ARHGEF28: variants seen among roughly 807,000 people sequenced by gnomAD.
ARHGEF28 encodes Rho guanine nucleotide exchange factor 28, also known as 190 kDa guanine nucleotide exchange factor.
ARHGEF28 carries 152 observed loss-of-function variants against 206.6 expected under a neutral mutation model. The observed-to-expected ratio is 0.74, with a 90% CI of 0.64 to 0.84. ARHGEF28 has a LOEUF of 0.84. Ranked by LOEUF, ARHGEF28 falls within the 40% of genes least tolerant of loss-of-function variation. ARHGEF28 has a pLI of 0.00. For synonymous variants in ARHGEF28, 763 were observed against 776.4 expected, an observed-to-expected ratio of 0.98 and a Z score of 0.29; for missense variants, 2,028 against 2,073.2, an observed-to-expected ratio of 0.98 and a Z score of 0.42.
Position 73,873,006 on chromosome 5 carries a change from G to A in ARHGEF28, c.2574G>A (p.Met858Ile), listed in dbSNP as rs370341684. The part of the protein sequence containing the change: ...IKRQDVIFEL[M>I]QTEMHHIQTL... ...TGTGCTCACACATTTCAGAGCTAAT[G>A]CAAACAGAGATGCATCACATCCAGA... The change falls in exon 22 of 36, where the codon ATG (methionine) becomes ATA (isoleucine). Residue 858 changes from methionine to isoleucine, a missense_variant. Transcript: ENST00000513042. 9.3e-6 allele frequency: 15 copies of A among 1,613,564 alleles called. No homozygotes were observed. The African/African-American group carries it at 1.1e-4, about 11-fold the overall frequency.
chr5:73,711,640 G>A (rs1342537612), intron 2 of ARHGEF28, among the ~76,000 whole-genome samples: 1 of 152,018 alleles, frequency 6.6e-6, no homozygotes, highest in Non-Finnish European at 1.5e-5. Flanking sequence ...TAGTATATGG[G>A]AATACGGTTA....
At chr5:73,880,147 C>T (rs1217303777) in intron 22 of ARHGEF28, among the ~76,000 whole-genome samples, 3 of 152,194 alleles carry the variant, frequency 2.0e-5, no homozygotes, top group African/African-American at 4.8e-5. Context: ...GCCCCTCCCC[C>T]AGCCTCGCTG....
At chr5:73,878,931 T>C (rs1760722506) in intron 22 of ARHGEF28, among the ~76,000 whole-genome samples, 1 of 152,122 alleles carries the variant, frequency 6.6e-6, no homozygotes, top group Non-Finnish European at 1.5e-5. Context: ...AGGAGTACCT[T>C]TGTGGCGTTC....
At chr5:73,924,396 A>T (rs1763689199) in intron 35 of ARHGEF28, among the ~76,000 whole-genome samples, 1 of 152,172 alleles carries the variant, frequency 6.6e-6, no homozygotes, top group Non-Finnish European at 1.5e-5. Context: ...CCTCATCTCT[A>T]CAGTTGGATT....
At chr5:73,639,501 A>G (rs1051424739) in intron 1 of ARHGEF28, among the ~76,000 whole-genome samples, 2 of 151,882 alleles carry the variant, frequency 1.3e-5, no homozygotes. Flanking sequence ...ATTTATATAC[A>G]TTTTACCATT....
At chr5:73,878,341 T>C (rs1760673464) in intron 22 of ARHGEF28, among the ~76,000 whole-genome samples, 1 of 151,638 alleles carries the variant, frequency 6.6e-6, no homozygotes, top group Non-Finnish European at 1.5e-5. Flanking sequence ...ATGGGTTTCC[T>C]GAATACAGCA....
chr5:73,630,945 A>C (rs1277740919), intron 1 of ARHGEF28, among the ~76,000 whole-genome samples: 1 of 152,232 alleles, frequency 6.6e-6, no homozygotes, highest in Non-Finnish European at 1.5e-5. Context: ...CTTATTCCTT[A>C]TCTCTCCTTG....
Position 73,870,179 on chromosome 5 carries a change from G to T in ARHGEF28, c.2536G>T (p.Asp846Tyr). 1.2e-6 allele frequency: 2 copies of T among 1,613,838 alleles called. No homozygotes were observed. Among genetic ancestry groups the T allele is most frequent in the Non-Finnish European group, 1.7e-6 (2 of 1,179,844 alleles). Residue 846 changes from aspartate (D) to tyrosine (Y), a missense_variant, in exon 21 of 36, where the codon GAT (aspartate) becomes TAT (tyrosine). Asp to Tyr is a radical substitution (Grantham distance 160, BLOSUM62 -3). Coordinates refer to ENST00000513042, the MANE Select transcript of ARHGEF28 (RefSeq NM_001177693.2). ...CTCATTTTGTAATAGGCAGGAGAAG[G>T]ATGTCATCAAAAGACAGGATGTCAT... ...DPSFCNRQEKDVIKRQDVIFE... is the reference protein window; with the variant it reads ...DPSFCNRQEKYVIKRQDVIFE...
chr5:73,701,488 CT>C (rs1748595663), intron 2 of ARHGEF28, among the ~76,000 whole-genome samples: 1 of 152,046 alleles, frequency 6.6e-6, no homozygotes, highest in Non-Finnish European at 1.5e-5. Flanking sequence ...TGCATGTGGT[CT>C]TTAGTTAAAA....
intron 35 of ARHGEF28, among the ~76,000 whole-genome samples, chr5:73,921,573 G>A (rs1227089044): frequency 6.6e-6 from 1 of 152,162 alleles, no homozygotes; most frequent in Non-Finnish European, 1.5e-5. Flanking sequence ...TGCAGGATAG[G>A]TTTCTGAGCC....
chr5:73,692,057 A>G (rs963168057), intron 2 of ARHGEF28, among the ~76,000 whole-genome samples: 16 of 152,204 alleles, frequency 1.1e-4, no homozygotes, highest in Non-Finnish European at 7.3e-5. Context: ...TTTAGCTTTA[A>G]TAACTGATAA....
chr5:73,800,346 G>C (rs967456036), intron 9 of ARHGEF28, among the ~76,000 whole-genome samples: 2 of 152,124 alleles, frequency 1.3e-5, no homozygotes, highest in Non-Finnish European at 2.9e-5. Flanking sequence ...TCTATAAGAC[G>C]AAAGGGAAAA....
chr5:73,686,757 C>T (rs1314625355), intron 2 of ARHGEF28, among the ~76,000 whole-genome samples: 2 of 151,934 alleles, frequency 1.3e-5, no homozygotes, highest in Admixed American at 6.6e-5. Flanking sequence ...CTCCTGACCT[C>T]GTGATCTGCC....
intron 1 of ARHGEF28, among the ~76,000 whole-genome samples, chr5:73,656,208 C>T (rs2161095): frequency 0.37 from 55,623 of 152,030 alleles, 11,676 homozygotes; most frequent in Admixed American, 0.53. Flanking sequence ...CTTGTTCCTA[C>T]GTGTGCTTTG....
At position 73,867,879 on chromosome 5, in the gene ARHGEF28, C is replaced by G; in HGVS notation, c.2156C>G (p.Ser719Cys). The G allele has an allele frequency of 6.2e-7, 1 of 1,613,944 alleles. No homozygotes were observed. Among genetic ancestry groups the G allele is most frequent in the South Asian group, 1.1e-5 (1 of 91,070 alleles). ...KNKPQTILGN[S>C]SFRDIPQPGL... Reference sequence around the variant, plus strand: ...AAGCATCTGTTCTGATTTCCAGATTCTTCATTTAGAGACATCCCACAGCCT... The same window carrying G: ...AAGCATCTGTTCTGATTTCCAGATTGTTCATTTAGAGACATCCCACAGCCT... Residue 719 changes from serine to cysteine, a missense_variant, in exon 19 of 36, where the codon TCT becomes TGT. By Grantham distance (112) the Ser-to-Cys change is moderately radical. This residue lies in a region of ARHGEF28 where 1,002 missense variants were observed against 1,015.3 expected (regional missense o/e 0.99). Transcript: ENST00000513042.
rs199885427 is a variant in ARHGEF28 at position 73,892,198 on chromosome 5, C to T, written c.3534C>T (p.Asn1178=). The T allele has an allele frequency of 6.4e-7, 1 of 1,572,126 alleles. No homozygotes were observed. The highest frequency in any genetic ancestry group is 8.6e-7 in the Non-Finnish European group (1 of 1,157,092). ...CCAATTCCAAGGAGGAACGCAATAA[C>T]TGGATGAGACGGATCCAGCAGGCTG... ...IHTNSKEERN[N]WMRRIQQAVE... Residue 1178 remains asparagine (N), a synonymous_variant, in exon 27 of 36, where the codon AAC becomes AAT. Transcript: ENST00000513042.
At chr5:73,927,376 CCTTT>C (rs1421216637) in intron 35 of ARHGEF28, among the ~76,000 whole-genome samples, 1 of 151,856 alleles carries the variant, frequency 6.6e-6, no homozygotes, top group Non-Finnish European at 1.5e-5. Context: ...CTTAAAAAAA[CCTTT>C]CTTTAGGATC....
At chr5:73,768,428 C>A (rs1012336469) in intron 4 of ARHGEF28, among the ~76,000 whole-genome samples, 1 of 152,190 alleles carries the variant, frequency 6.6e-6, no homozygotes, top group Non-Finnish European at 1.5e-5. Context: ...GGGAAACCAC[C>A]TCTTGCATCA....
intron 1 of ARHGEF28, among the ~76,000 whole-genome samples, chr5:73,667,134 A>C (rs1746006386): frequency 6.7e-6 from 1 of 149,354 alleles, no homozygotes; most frequent in African/African-American, 2.5e-5. Context: ...TGAGGAAAGA[A>C]AACCTCATTG....
Sources: gnomAD v4.1 joint callset for allele counts (sites outside exome capture counted in the v4.1 genomes callset) on GRCh38, gnomAD v4.1.1 for gene constraint, gnomAD v4.1.1 regional missense constraint, MANE v1.5 for transcripts, NCBI Gene and HGNC (gene_info 2026-07-23, HGNC 2026-07-21) for gene names.